Variants in ABCD2 observed in about 807,000 individuals in gnomAD.
ABCD2 encodes the protein ATP-binding cassette sub-family D member 2.
ABCD2 carries 36 observed loss-of-function variants against 70.9 expected under a neutral mutation model. That is an observed-to-expected ratio of 0.51 (90% confidence interval 0.39 to 0.67). The LOEUF (loss-of-function observed/expected upper bound fraction) is 0.67. Ranked by LOEUF, ABCD2 falls within the 30% of genes least tolerant of loss-of-function variation. ABCD2 has a pLI of 0.00. For synonymous variants in ABCD2, 304 were observed against 306.9 expected, an observed-to-expected ratio of 0.99 and a Z score of 0.10; for missense variants, 729 against 890.2, an observed-to-expected ratio of 0.82 and a Z score of 2.30.
rs1291342249 is a variant in ABCD2, at chr12:39,618,740, C to T, written c.876G>A (p.Leu292=). Residue 292 remains leucine, a synonymous_variant, in exon 1 of 10, where the codon TTG becomes TTA. Coordinates refer to ENST00000308666, the MANE Select transcript of ABCD2 (RefSeq NM_005164.4). ...CTATAATTCTCGAGTGCACATACCG[C>T]AAATAGCCTTTTCTATGTGCTTCCT... ...VAEEAHRKGY[L]RYVHSRIIAN... The T allele has an allele frequency of 1.9e-6, 3 of 1,614,094 alleles. No homozygotes were observed. Among genetic ancestry groups the T allele is most frequent in the Non-Finnish European group, 8.5e-7 (1 of 1,180,046 alleles).
chr12:39,548,531 A>C (rs557080718), downstream of ABCD2, among the ~76,000 whole-genome samples: 1 of 152,094 alleles, frequency 6.6e-6, no homozygotes, highest in East Asian at 1.9e-4. Flanking sequence ...CAGCATCTGC[A>C]TGTTGAAAAA....
chr12:39,562,637 A>G (rs1941277474), intron 9 of ABCD2, among the ~76,000 whole-genome samples: 1 of 152,150 alleles, frequency 6.6e-6, no homozygotes, highest in South Asian at 2.1e-4. Flanking sequence ...AACTATGAAG[A>G]AACAGAAAAT....
the ABCD2 span, among the ~76,000 whole-genome samples, chr12:39,537,055 T>C: frequency 2.0e-5 from 3 of 152,054 alleles, no homozygotes; most frequent in Non-Finnish European, 4.4e-5. Flanking sequence ...GAGTCCTCTT[T>C]TTTTTTTTCT....
chr12:39,537,442 G>A, the ABCD2 span, among the ~76,000 whole-genome samples: 2 of 152,268 alleles, frequency 1.3e-5, no homozygotes, highest in East Asian at 1.9e-4. Flanking sequence ...TTAAAATGAT[G>A]TCTGAAATGT....
Position 39,586,190 on chromosome 12 carries a change from T to C in ABCD2, c.1754A>G (p.His585Arg), listed in dbSNP as rs113825871. 7 of 1,613,484 alleles carry C rather than the reference T, an allele frequency of 4.3e-6. No individual in the cohort carries two copies. The African/African-American group carries it at 5.3e-5, about 12-fold the overall frequency. The change falls in exon 7 of 10, where the codon CAC becomes CGC. Residue 585 changes from histidine to arginine, a missense_variant. This residue lies in a region of ABCD2 where 289 missense variants were observed against 328.8 expected (regional missense o/e 0.88). Transcript: ENST00000308666. ...AACTATGTGATAGAGATGGACATTG[T>C]GTAGGATACGTTCCAGATCTTGGTC... ...YTDQDLERIL[H>R]NVHLYHIVQR...
chr12:39,578,029 C>G (rs941658577), intron 8 of ABCD2, among the ~76,000 whole-genome samples: 5 of 152,058 alleles, frequency 3.3e-5, no homozygotes, highest in Non-Finnish European at 7.4e-5. Context: ...CCTAGGTGTT[C>G]GATAATACAT....
chr12:39,597,758 C>A (rs1941836335), intron 6 of ABCD2, among the ~76,000 whole-genome samples: 1 of 152,144 alleles, frequency 6.6e-6, no homozygotes, highest in Non-Finnish European at 1.5e-5. Flanking sequence ...TTTGATGAAA[C>A]ATTTCTTTCC....
intron 9 of ABCD2, among the ~76,000 whole-genome samples, chr12:39,567,677 G>A (rs1591972436): frequency 6.6e-6 from 1 of 152,226 alleles, no homozygotes; most frequent in East Asian, 1.9e-4. Flanking sequence ...TATGATGTTA[G>A]CTGATTATTT....
chr12:39,588,629 T>C (rs934744768), intron 6 of ABCD2, among the ~76,000 whole-genome samples: 11 of 152,184 alleles, frequency 7.2e-5, no homozygotes, highest in Admixed American at 7.2e-4. Context: ...TTTCTGTTGT[T>C]CAAACCGCCA....
At chr12:39,545,410 A>T (rs1182271500), downstream of ABCD2, among the ~76,000 whole-genome samples, 2 of 152,136 alleles carry the variant, frequency 1.3e-5, no homozygotes, top group Non-Finnish European at 1.5e-5. Flanking sequence ...CTCCCGCCTC[A>T]CAACATGCAA....
At chr12:39,543,359 CT>C in the ABCD2 span, among the ~76,000 whole-genome samples, 1 of 152,168 alleles carries the variant, frequency 6.6e-6, no homozygotes, top group South Asian at 2.1e-4. Flanking sequence ...AGTATAATTT[CT>C]GTTGCCGCTG....
At chr12:39,570,490 G>C (rs1442122341) in intron 9 of ABCD2, among the ~76,000 whole-genome samples, 1 of 152,138 alleles carries the variant, frequency 6.6e-6, no homozygotes, top group Non-Finnish European at 1.5e-5. Context: ...TTGGGAAAGG[G>C]CAGTATCCTC....
downstream of ABCD2, among the ~76,000 whole-genome samples, chr12:39,549,662 C>A (rs1438673317): frequency 6.6e-6 from 1 of 151,726 alleles, no homozygotes; most frequent in African/African-American, 2.4e-5. Flanking sequence ...GTTTGGTTAA[C>A]CAGAAACCTT....
intron 5 of ABCD2, 85 bp downstream of exon 5, chr12:39,603,827 G>A (rs2069035195): frequency 1.0e-6 from 1 of 986,678 alleles, no homozygotes; most frequent in South Asian, 1.5e-5. Flanking sequence ...GCTCCTCCAA[G>A]TATTTAACAT....
At chr12:39,598,199 G>C (rs1455732716) in intron 6 of ABCD2, among the ~76,000 whole-genome samples, 1 of 152,028 alleles carries the variant, frequency 6.6e-6, no homozygotes, top group African/African-American at 2.4e-5. Context: ...TGTACATTCT[G>C]ATCAATCCAT....
chr12:39,581,991 T>C (rs1941602397), intron 7 of ABCD2, among the ~76,000 whole-genome samples: 1 of 152,224 alleles, frequency 6.6e-6, no homozygotes, highest in Non-Finnish European at 1.5e-5. Context: ...GAATGGAATG[T>C]AGTTTTTAAT....
chr12:39,605,025 AAAGAT>A, intron 3 of ABCD2, 95 bp from the exon 4 acceptor site: 1 of 1,037,780 alleles, frequency 9.6e-7, no homozygotes, highest in Non-Finnish European at 1.3e-6. Flanking sequence ...ACTTAATGTA[AAAGAT>A]TATATTGCAT....
downstream of ABCD2, among the ~76,000 whole-genome samples, chr12:39,548,027 C>T (rs1941043295): frequency 6.6e-6 from 1 of 152,052 alleles, no homozygotes; most frequent in South Asian, 2.1e-4. Flanking sequence ...TGATATGCAT[C>T]CAGTAGAAAC....
At chr12:39,533,984 C>T in the ABCD2 span, among the ~76,000 whole-genome samples, 1 of 152,152 alleles carries the variant, frequency 6.6e-6, no homozygotes, top group South Asian at 2.1e-4. Flanking sequence ...GAATAGTGTG[C>T]TTTGCAGAAC....
Sources: gnomAD v4.1 joint callset for allele counts (sites outside exome capture counted in the v4.1 genomes callset) on GRCh38, gnomAD v4.1.1 for gene constraint, gnomAD v4.1.1 regional missense constraint, MANE v1.5 for transcripts, NCBI Gene and HGNC (gene_info 2026-07-23, HGNC 2026-07-21) for gene names.